Variants in TECRL observed in about 807,000 individuals in gnomAD.
TECRL encodes the protein trans-2,3-enoyl-CoA reductase like, also known as trans-2,3-enoyl-CoA reductase-like.
TECRL carries 63 observed loss-of-function variants against 52.8 expected under a neutral mutation model. The ratio of observed to expected loss-of-function variants is 1.19; its 90% CI spans 0.97 to 1.47. The LOEUF is 1.47. Ranked by LOEUF, TECRL falls within the 40% of genes most tolerant of loss-of-function variation. The pLI, the probability that TECRL is intolerant of heterozygous loss-of-function variation, is 0.00. For missense variants in TECRL, 482 were observed against 429.6 expected, an observed-to-expected ratio of 1.12 and a Z score of -1.08; for synonymous variants, 164 against 141.9, an observed-to-expected ratio of 1.16 and a Z score of -1.10.
Position 64,333,372 on chromosome 4 carries a change from G to A in TECRL, c.287-4816C>T, listed in dbSNP as rs1046616603. 7.3e-4 allele frequency among the ~76,000 whole-genome samples: 111 copies of A among 152,036 alleles called. 2 individuals are homozygous for A. The highest frequency in any genetic ancestry group is 1.4e-3 in the Admixed American group (21 of 15,266). On this transcript the variant is annotated intron_variant, in intron 2 of 11. Transcript: ENST00000381210. ...TACTGTCAATAGAACACGTCTTTCCGTCATTAGATTAACATCTAAAGGACC... is the reference window on the plus strand; with the variant it reads ...TACTGTCAATAGAACACGTCTTTCCATCATTAGATTAACATCTAAAGGACC...
At chr4:64,302,989 C>T (rs1412962537) in intron 7 of TECRL, among the ~76,000 whole-genome samples, 2 of 150,618 alleles carry the variant, frequency 1.3e-5, no homozygotes, top group East Asian at 3.9e-4. Context: ...TTTTTTTGTG[C>T]TTATATTGTA....
chr4:64,324,019 A>G (rs1194287537), intron 3 of TECRL, among the ~76,000 whole-genome samples: 1 of 152,172 alleles, frequency 6.6e-6, no homozygotes, highest in Non-Finnish European at 1.5e-5. Flanking sequence ...TTGTGTATTC[A>G]GCATGGAAAG....
intron 2 of TECRL, among the ~76,000 whole-genome samples, chr4:64,365,714 T>G (rs1364267989): frequency 2.0e-5 from 3 of 151,860 alleles, no homozygotes; most frequent in Non-Finnish European, 4.4e-5. Context: ...AAAACACTGC[T>G]GAAGGCAATT....
Position 64,375,184 on chromosome 4 carries a change from AC to A in TECRL, c.273del (p.Lys91AsnfsTer18). 1 of 1,394,250 alleles carries A rather than the reference AC, an allele frequency of 7.2e-7. No individual in the cohort carries two copies. The highest frequency in any genetic ancestry group is 9.5e-7 in the Non-Finnish European group (1 of 1,051,894). 86.4% of individuals were successfully genotyped at this position (1,394,250 alleles called of 1,614,324 possible). On this transcript the variant is annotated frameshift_variant, in exon 2 of 12. Coordinates refer to ENST00000381210, the MANE Select transcript of TECRL (RefSeq NM_001010874.5). LOFTEE classifies it high-confidence loss of function. ...QSSTIHDVKQ[K>X]FHKACPKWYP... ...ATATAAAACTTACATGCTTTGTGAAACTTTTGCTTAACATCATGAATAGTAG... is the reference window on the plus strand; with the variant it reads ...ATATAAAACTTACATGCTTTGTGAAATTTTGCTTAACATCATGAATAGTAG...
chr4:64,309,820 C>T lies in TECRL; in HGVS notation c.657+6G>A, dbSNP rs751890473. 1 of 1,550,328 alleles carries T rather than the reference C, an allele frequency of 6.5e-7. No individual in the cohort carries two copies. Among genetic ancestry groups the T allele is most frequent in the Non-Finnish European group, 8.9e-7 (1 of 1,124,070 alleles). On this transcript the variant is annotated splice_donor_region_variant and intron_variant, in intron 6 of 11. Coordinates refer to ENST00000381210, the MANE Select transcript of TECRL (RefSeq NM_001010874.5). Reference sequence around the variant, plus strand: ...AATCATTATTAAAAACACAAAGCATCCTCACCATTATCAAATTTTTCAAAG... The same window carrying T: ...AATCATTATTAAAAACACAAAGCATTCTCACCATTATCAAATTTTTCAAAG...
intron 9 of TECRL, 54 bp downstream of exon 9, chr4:64,289,656 A>T: frequency 7.8e-7 from 1 of 1,288,948 alleles, no homozygotes; most frequent in Non-Finnish European, 1.0e-6. Context: ...AGATTATAAA[A>T]ATAATTGTTA....
intron 2 of TECRL, among the ~76,000 whole-genome samples, chr4:64,344,704 A>G (rs1719827182): frequency 6.6e-6 from 1 of 152,240 alleles, no homozygotes; most frequent in African/African-American, 2.4e-5. Flanking sequence ...CATGCTACCA[A>G]CCATAGCTCT....
intron 2 of TECRL, among the ~76,000 whole-genome samples, chr4:64,346,955 T>G (rs1720031986): frequency 6.6e-6 from 1 of 152,252 alleles, no homozygotes; most frequent in African/African-American, 2.4e-5. Flanking sequence ...TTGCTGAACT[T>G]GAAGCCTGTT....
chr4:64,348,321 T>G (rs1222334455), intron 2 of TECRL, among the ~76,000 whole-genome samples: 1 of 152,096 alleles, frequency 6.6e-6, no homozygotes, highest in Non-Finnish European at 1.5e-5. Context: ...TTGCGAGAAT[T>G]CACTCACTAT....
rs112479484 is a variant in TECRL, at chr4:64,303,988, T to A, written c.730+1178A>T. On this transcript the variant is annotated intron_variant, in intron 7 of 11. Transcript: ENST00000381210. ...ATGGCATCATTTTTCTAGCCTTCAA[T>A]GGGGAATATTAAAGCCACAAAATAA... Among the ~76,000 whole-genome samples, 1,344 of 151,924 alleles carry A rather than the reference T, an allele frequency of 8.8e-3. 17 individuals are homozygous for A. The highest frequency in any genetic ancestry group is 0.031 in the African/African-American group (1,280 of 41,518).
chr4:64,305,311 AT>A, intron 6 of TECRL, 73 bp from the exon 7 acceptor site: 1 of 1,339,656 alleles, frequency 7.5e-7, no homozygotes, highest in Non-Finnish European at 1.1e-6. Flanking sequence ...ACATACATTT[AT>A]ATTACATGCA....
intron 1 of TECRL, among the ~76,000 whole-genome samples, chr4:64,407,652 T>C (rs941756000): frequency 4.6e-5 from 7 of 151,876 alleles, no homozygotes; most frequent in East Asian, 1.9e-4. Context: ...CCTTGACTTA[T>C]TTGATTTTCA....
chr4:64,338,423 T>C (rs946411604), intron 2 of TECRL, among the ~76,000 whole-genome samples: 2 of 152,128 alleles, frequency 1.3e-5, no homozygotes, highest in Non-Finnish European at 2.9e-5. Flanking sequence ...AAAGCCAAAA[T>C]TGACAAATGG....
chr4:64,336,663 C>G (rs1318147621), intron 2 of TECRL, among the ~76,000 whole-genome samples: 1 of 152,192 alleles, frequency 6.6e-6, no homozygotes, highest in African/African-American at 2.4e-5. Flanking sequence ...AAATTTCCCT[C>G]TACACACTGC....
intron 2 of TECRL, among the ~76,000 whole-genome samples, chr4:64,342,269 A>G (rs564292498): frequency 1.3e-5 from 2 of 152,254 alleles, no homozygotes; most frequent in South Asian, 2.1e-4. Context: ...CTGTTGTGAA[A>G]TCTCCATGAG....
At chr4:64,293,244 A>G (rs1723492051) in intron 8 of TECRL, among the ~76,000 whole-genome samples, 1 of 152,144 alleles carries the variant, frequency 6.6e-6, no homozygotes, top group Admixed American at 6.6e-5. Context: ...GAAAGTAAAT[A>G]AAAACACTTA....
At position 64,388,220 on chromosome 4, in the gene TECRL, C is replaced by CTTTTTT. The variant is rs3045235; in HGVS notation, c.235-13003_235-12998dup. ...GAAATGTGTAAGATGAGTCTAAATC[C>CTTTTTT]TTTTTTTTTTTTTTGCATGTGGATG... is the stretch of plus-strand genomic sequence containing the variant. On this transcript the variant is annotated intron_variant, in intron 1 of 11. Transcript: ENST00000381210. 1.3e-4 allele frequency among the ~76,000 whole-genome samples: 17 copies of CTTTTTT among 127,096 alleles called. 1 individual carries two copies. Among genetic ancestry groups the CTTTTTT allele is most frequent in the South Asian group, 2.5e-4 (1 of 3,984 alleles). The allele number at this position is 127,096 out of a possible 152,430, so 83.4% of individuals were successfully genotyped here. A position where few individuals can be genotyped will look rare whatever the true frequency, so the allele number is the denominator to read the frequency against.
In TECRL at chr4:64,356,378, C is replaced by A. The variant is rs140721377; in HGVS notation, c.286+18794G>T. ...GAGGAAGGCCACTGTCTCTTGCCTG[C>A]CCCTGGGAACTGAATGTCTCGGTAT... On this transcript the variant is annotated intron_variant, in intron 2 of 11. Coordinates refer to ENST00000381210, the MANE Select transcript of TECRL (RefSeq NM_001010874.5). 2.3e-3 allele frequency among the ~76,000 whole-genome samples: 351 copies of A among 152,088 alleles called. 2 individuals are homozygous for A. The highest frequency in any genetic ancestry group is 4.0e-3 in the Admixed American group (61 of 15,268).
intron 7 of TECRL, among the ~76,000 whole-genome samples, chr4:64,301,070 A>G (rs1382102848): frequency 6.6e-6 from 1 of 150,954 alleles, no homozygotes; most frequent in Non-Finnish European, 1.5e-5. Flanking sequence ...ATATATATAT[A>G]CAAACCATAT....
Sources: allele counts gnomAD v4.1 joint callset (sites outside exome capture counted in the v4.1 genomes callset), GRCh38; gene constraint gnomAD v4.1.1; transcripts MANE v1.5; gene names NCBI Gene and HGNC (gene_info 2026-07-23, HGNC 2026-07-21).